Variants in DOP1A observed in about 807,000 individuals in gnomAD.
DOP1A encodes DOP1 leucine zipper like protein A.
A neutral mutation model predicts 267.6 loss-of-function variants in DOP1A; 90 were observed. The observed-to-expected ratio is 0.34, with a 90% CI of 0.28 to 0.40. DOP1A has a LOEUF of 0.40. Ranked by LOEUF, DOP1A falls within the 10% of genes least tolerant of loss-of-function variation. The pLI is 1.00. For missense variants in DOP1A, 2,437 were observed against 2,900.4 expected (o/e 0.84, Z 3.67); for synonymous variants, 932 against 999.1 (o/e 0.93, Z 1.27).
chr6:83,132,172 A>AT lies in DOP1A; in HGVS notation c.2617-3dup. On this transcript the variant is annotated splice_polypyrimidine_tract_variant and splice_region_variant and intron_variant, in intron 17 of 38. Transcript: ENST00000349129. ...TGACTGTCACTTTTACATCTTTTTT[A>AT]TAGCATGTAGCTTTAACATTGTGGG... 6.2e-7 allele frequency: 1 copy of AT among 1,602,970 alleles called. No individual in the cohort carries two copies. The highest frequency in any genetic ancestry group is 1.1e-5 in the South Asian group (1 of 90,242).
Position 83,130,114 on chromosome 6 carries a change from T to C in DOP1A, c.2342-9T>C, listed in dbSNP as rs780480376. On this transcript the variant is annotated splice_polypyrimidine_tract_variant and intron_variant, in intron 16 of 38. Transcript: ENST00000349129. ...AATGAACTCTGATTGCTACCATCTTTTGTTTCAGACTGTGAGCATGTGCAG... is the reference window on the plus strand; with the variant it reads ...AATGAACTCTGATTGCTACCATCTTCTGTTTCAGACTGTGAGCATGTGCAG... 6 of 1,611,154 alleles carry C rather than the reference T, an allele frequency of 3.7e-6. No individual in the cohort carries two copies. In the East Asian group the frequency reaches 1.3e-4, roughly 36 times the overall value.
chr6:83,124,384 A>G (rs919468566), intron 12 of DOP1A, among the ~76,000 whole-genome samples: 5 of 152,126 alleles, frequency 3.3e-5, no homozygotes, highest in African/African-American at 1.2e-4. Flanking sequence ...TTAGAAATCA[A>G]GTAGCAGTTA....
intron 35 of DOP1A, among the ~76,000 whole-genome samples, chr6:83,157,578 T>C (rs1783076538): frequency 6.6e-6 from 1 of 152,242 alleles, no homozygotes; most frequent in Non-Finnish European, 1.5e-5. Context: ...TAGTGTTTAG[T>C]CTGTACTACA....
intron 17 of DOP1A, among the ~76,000 whole-genome samples, chr6:83,131,706 G>T (rs1778061036): frequency 6.6e-6 from 1 of 151,392 alleles, no homozygotes; most frequent in Non-Finnish European, 1.5e-5. Flanking sequence ...CGCAATCTCT[G>T]CTCACTACAA....
intron 1 of DOP1A, among the ~76,000 whole-genome samples, chr6:83,068,173 T>C (rs1316052461): frequency 1.3e-5 from 2 of 152,162 alleles, no homozygotes; most frequent in Non-Finnish European, 2.9e-5. Context: ...CGGAGTACCC[T>C]CTTTGTTGAA....
At chr6:83,116,428 C>A (rs1344620929) in intron 7 of DOP1A, among the ~76,000 whole-genome samples, 1 of 152,140 alleles carries the variant, frequency 6.6e-6, no homozygotes, top group East Asian at 1.9e-4. Context: ...ATTACTATTG[C>A]CACTGATCTC....
chr6:83,122,244 A>G (rs1029226742), intron 11 of DOP1A, among the ~76,000 whole-genome samples, 194 bp downstream of exon 11: 5 of 151,858 alleles, frequency 3.3e-5, no homozygotes, highest in Admixed American at 6.6e-5. Flanking sequence ...TATAAAGACA[A>G]TTGTTTTAAT....
intron 1 of DOP1A, among the ~76,000 whole-genome samples, chr6:83,092,568 C>CA (rs1243822561): frequency 5.3e-4 from 55 of 102,944 alleles, no homozygotes; most frequent in African/African-American, 1.7e-3. Flanking sequence ...CCCCCCCCCC[C>CA]ACCATATTCA....
downstream of DOP1A, chr6:83,168,912 GT>G (rs970505642): frequency 9.2e-7 from 1 of 1,083,836 alleles, no homozygotes; most frequent in African/African-American, 1.6e-5. Context: ...CAAGGAGTTG[GT>G]AATAAGATTT....
At chr6:83,069,920 CT>C (rs1482314930) in intron 1 of DOP1A, among the ~76,000 whole-genome samples, 3 of 152,140 alleles carry the variant, frequency 2.0e-5, no homozygotes, top group Non-Finnish European at 4.4e-5. Context: ...AATGTGCTTA[CT>C]GTGTAATAAC....
At position 83,129,496 on chromosome 6, in the gene DOP1A, A is replaced by G; in HGVS notation, c.2329A>G (p.Lys777Glu). 2.0e-6 allele frequency: 3 copies of G among 1,527,306 alleles called. No homozygotes were observed. The highest frequency in any genetic ancestry group is 2.6e-6 in the Non-Finnish European group (3 of 1,145,294). 94.6% of individuals were successfully genotyped at this position (1,527,306 alleles called of 1,614,324 possible). The change falls in exon 16 of 39, where the codon AAA becomes GAA. Residue 777 changes from lysine (K) to glutamate (E), a missense_variant. Physicochemically the swap from Lys to Glu is moderately conservative, Grantham distance 56. Around this residue, in one of 9 missense-constraint regions of DOP1A, gnomAD observed 11 missense variants for 30.0 expected, o/e 0.37. Coordinates refer to ENST00000349129, the MANE Select transcript of DOP1A (RefSeq NM_015018.4). Reference sequence around the variant, plus strand: ...CCATACATCAGAGTTACGTTCTGAAAAATTGGAGACTGGTAAGGTCATCTC... The same window carrying G: ...CCATACATCAGAGTTACGTTCTGAAGAATTGGAGACTGGTAAGGTCATCTC... ...GNHTSELRSE[K>E]LETDCEHVQP...
intron 7 of DOP1A, among the ~76,000 whole-genome samples, chr6:83,115,674 G>T (rs148440921): frequency 0.018 from 2,772 of 152,274 alleles, 51 homozygotes; most frequent in Admixed American, 0.06. Context: ...CAGTGAGCAA[G>T]TGATCGTGCC....
At chr6:83,082,853 G>T (rs1347983302) in intron 1 of DOP1A, among the ~76,000 whole-genome samples, 1 of 150,924 alleles carries the variant, frequency 6.6e-6, no homozygotes. Flanking sequence ...TGTCACCCAG[G>T]CTGGAGTGCA....
intron 37 of DOP1A, 118 bp from the exon 38 acceptor site, chr6:83,162,672 C>G (rs906291721): frequency 8.6e-7 from 1 of 1,168,272 alleles, no homozygotes. Context: ...AGTGGCACAT[C>G]TGGCATTTGA....
intron 29 of DOP1A, 129 bp from the exon 30 acceptor site, chr6:83,152,159 T>C (rs1490387528): frequency 2.0e-5 from 20 of 999,730 alleles, no homozygotes; most frequent in Non-Finnish European, 2.6e-5. Context: ...TTTTTTTCAG[T>C]GGGAAAAATA....
intron 4 of DOP1A, among the ~76,000 whole-genome samples, chr6:83,107,535 T>C (rs755084363): frequency 1.2e-4 from 18 of 152,204 alleles, no homozygotes; most frequent in Admixed American, 2.0e-4. Flanking sequence ...GAAATAAAAA[T>C]ATAGTCATGG....
chr6:83,117,215 A>G (rs1409150228), intron 7 of DOP1A, among the ~76,000 whole-genome samples: 2 of 150,872 alleles, frequency 1.3e-5, no homozygotes, highest in Non-Finnish European at 2.9e-5. Context: ...CAGTGGTGCT[A>G]TCTTAGCTCA....
rs1426062544 is a variant in DOP1A, at chr6:83,125,734, G to C, written c.1719+1G>C. On this transcript the variant is annotated splice_donor_variant, in intron 15 of 38. Coordinates refer to ENST00000349129, the MANE Select transcript of DOP1A (RefSeq NM_015018.4). LOFTEE classifies it high-confidence loss of function. ...AGTCAAAGAGTGGGAAGACAAAAAG[G>C]TAATTTTAACTATTATTTTTGGTAT... The C allele has an allele frequency of 2.5e-6, 4 of 1,605,074 alleles. No homozygotes were observed. Among genetic ancestry groups the C allele is most frequent in the Non-Finnish European group, 2.6e-6 (3 of 1,172,772 alleles).
intron 33 of DOP1A, 95 bp downstream of exon 33, chr6:83,154,336 G>A: frequency 8.8e-7 from 1 of 1,138,018 alleles, no homozygotes; most frequent in Non-Finnish European, 1.3e-6. Context: ...GGAGACTACT[G>A]AATTAGCTCT....
Sources: allele counts gnomAD v4.1 joint callset (sites outside exome capture counted in the v4.1 genomes callset), GRCh38; gene constraint gnomAD v4.1.1; regional missense constraint gnomAD v4.1.1; transcripts MANE v1.5; gene names NCBI Gene and HGNC (gene_info 2026-07-23, HGNC 2026-07-21).